NCAN: variants seen among roughly 807,000 people sequenced by gnomAD.
NCAN encodes the protein neurocan core protein.
NCAN carries 47 observed loss-of-function variants against 121.8 expected under a neutral mutation model. That is an observed-to-expected ratio of 0.39 (90% CI 0.31 to 0.49). NCAN has a LOEUF of 0.49. Among genes scored for constraint, NCAN ranks in the 20% least tolerant of loss-of-function variants. The probability of loss-of-function intolerance (pLI) is 0.92; values close to 1 mark genes in which losing one functional copy is unlikely to be tolerated. For missense variants in NCAN, 1,517 were observed against 1,773.4 expected, an observed-to-expected ratio of 0.86 and a Z score of 2.60; for synonymous variants, 633 against 702.0, an observed-to-expected ratio of 0.90 and a Z score of 1.55.
chr19:19,223,941 T>G, intron 3 of NCAN, 80 bp from the exon 4 acceptor site: 2 of 1,374,158 alleles, frequency 1.5e-6, no homozygotes, highest in South Asian at 1.7e-5. Context: ...GGGTGGGGAG[T>G]CATTCTGCAA....
rs1406089388 is a variant in NCAN at position 19,225,026 on chromosome 19, G to A, written c.828G>A (p.Ala276=). Residue 276 remains alanine, a synonymous_variant, in exon 6 of 15, where the codon GCG becomes GCA. Coordinates refer to ENST00000252575, the MANE Select transcript of NCAN (RefSeq NM_004386.3). The surrounding 1 kb of genome is among the most constrained non-coding windows in gnomAD (Gnocchi z 4.0). ...CCCGCCGCCTGACACTGGCCGGCGC[G>A]CGTGCACAGTGCCGCCGCCAGGGTG... The part of the protein sequence containing the change: ...GPARRLTLAG[A]RAQCRRQGAA... 4 of 1,492,532 alleles carry A rather than the reference G, an allele frequency of 2.7e-6. No individual in the cohort carries two copies. Among genetic ancestry groups the A allele is most frequent in the Middle Eastern group, 2.4e-4 (1 of 4,228 alleles). 92.5% of individuals were successfully genotyped at this position (1,492,532 alleles called of 1,614,324 possible).
At position 19,212,845 on chromosome 19, in the gene NCAN, AG is replaced by A. The variant is rs558038928; in HGVS notation, c.-8+788del. ...GGACCTGTGAGGGATACCAGCTCAGAGGGGGGGCTGTCCCCCAGCACCTTCA... is the reference window on the plus strand; with the variant it reads ...GGACCTGTGAGGGATACCAGCTCAGAGGGGGGCTGTCCCCCAGCACCTTCA... On this transcript the variant is annotated intron_variant, in intron 1 of 14. Transcript: ENST00000252575. The surrounding 1 kb of genome is among the most constrained non-coding windows in gnomAD (Gnocchi z 4.5). Among the ~76,000 whole-genome samples the A allele has an allele frequency of 3.9e-5, 6 of 152,230 alleles. No individual in the cohort carries two copies. Among genetic ancestry groups the A allele is most frequent in the South Asian group, 2.1e-4 (1 of 4,828 alleles).
intron 12 of NCAN, among the ~76,000 whole-genome samples, chr19:19,243,099 A>G (rs2060909793): frequency 6.6e-6 from 1 of 151,946 alleles, no homozygotes; most frequent in South Asian, 2.1e-4. Context: ...TTTTTCATGA[A>G]GCATTCAGAG....
chr19:19,230,948 G>GTTATCCA (rs1163524627), intron 8 of NCAN, among the ~76,000 whole-genome samples: 1 of 148,674 alleles, frequency 6.7e-6, no homozygotes, highest in Non-Finnish European at 1.5e-5. Context: ...GTCTCCCTAT[G>GTTATCCA]TTATCCAGGC....
intron 3 of NCAN, among the ~76,000 whole-genome samples, chr19:19,220,648 G>C (rs59685035): frequency 6.6e-6 from 1 of 151,788 alleles, no homozygotes; most frequent in Non-Finnish European, 1.5e-5. Flanking sequence ...TAGTAGAGAC[G>C]GGGTTTCACC....
intron 8 of NCAN, among the ~76,000 whole-genome samples, chr19:19,232,273 T>A (rs2060862903): frequency 6.6e-6 from 1 of 152,160 alleles, no homozygotes; most frequent in African/African-American, 2.4e-5. Flanking sequence ...CCCAGGCAGC[T>A]ACCCACCCGC....
intron 12 of NCAN, among the ~76,000 whole-genome samples, chr19:19,242,565 T>A (rs949193561): frequency 1.3e-5 from 2 of 151,702 alleles, no homozygotes; most frequent in Admixed American, 1.3e-4. Context: ...GGCACATGCC[T>A]GTAGTCCCAG....
At chr19:19,249,262 G>A (rs945510694) in intron 14 of NCAN, among the ~76,000 whole-genome samples, 1 of 152,044 alleles carries the variant, frequency 6.6e-6, no homozygotes, top group Admixed American at 6.6e-5. Context: ...GTAGAGACAG[G>A]GTTTCACTAT....
rs766896589 is a variant in NCAN at position 19,219,146 on chromosome 19, G to A, written c.305G>A (p.Arg102Lys). 68 of 1,613,906 alleles carry A rather than the reference G, an allele frequency of 4.2e-5. 2 individuals are homozygous for A. In the South Asian group the frequency reaches 7.1e-4, roughly 17 times the overall value. Residue 102 changes from arginine to lysine, a missense_variant, in exon 3 of 15, where the codon AGG becomes AAG. Coordinates refer to ENST00000252575, the MANE Select transcript of NCAN (RefSeq NM_004386.3). The part of the protein sequence containing the change: ...PILVAKDNVV[R>K]VAKSWQGRVS... ...CTGGTGGCCAAGGACAATGTCGTGA[G>A]GGTGGCCAAAAGCTGGCAGGGACGA... is the stretch of plus-strand genomic sequence containing the variant.
intron 8 of NCAN, among the ~76,000 whole-genome samples, chr19:19,233,542 G>A (rs1424842995): frequency 1.3e-5 from 2 of 152,180 alleles, no homozygotes; most frequent in East Asian, 3.8e-4. Context: ...TTCCAGTTCA[G>A]TCTGAGGAAG....
chr19:19,216,156 GTGTTT>G (rs773468987), intron 1 of NCAN, among the ~76,000 whole-genome samples: 1 of 152,056 alleles, frequency 6.6e-6, no homozygotes, highest in African/African-American at 2.4e-5. Flanking sequence ...TTGTTGTGTT[GTGTTT>G]TGTTTTGTTT....
Position 19,224,368 on chromosome 19 carries a change from G to A in NCAN, c.713G>A (p.Arg238Gln). ...YGDRSSLPGVRSYGRRNPQEL... is the reference protein window; with the variant it reads ...YGDRSSLPGVQSYGRRNPQEL... ...GACCGTAGCAGCCTTCCAGGGGTTC[G>A]GAGCTATGGGAGGCGCAACCCACAG... The change falls in exon 5 of 15, where the codon CGG (arginine) becomes CAG (glutamine). Residue 238 changes from arginine (R) to glutamine (Q), a missense_variant. Arg to Gln is a conservative substitution (Grantham distance 43). Transcript: ENST00000252575. 1 of 1,614,022 alleles carries A rather than the reference G, an allele frequency of 6.2e-7. No homozygotes were observed. The highest frequency in any genetic ancestry group is 8.5e-7 in the Non-Finnish European group (1 of 1,179,984).
rs2060841214 is a variant in NCAN at position 19,227,341 on chromosome 19, C to T, written c.1721C>T (p.Pro574Leu). ...CTGTGGCCCCCTACCATGGTCCCAC[C>T]CAGCATCTCAGGCCACAGCAGGGCC... The part of the protein sequence containing the change: ...PWLWPPTMVP[P>L]SISGHSRAPV... The change falls in exon 8 of 15, where the codon CCC (proline) becomes CTC (leucine). Residue 574 changes from proline (P) to leucine (L), a missense_variant. Transcript: ENST00000252575. This position sits in a 1 kb window ranked among gnomAD's most constrained non-coding sequence, Gnocchi z 4.2. 1 of 1,610,524 alleles carries T rather than the reference C, an allele frequency of 6.2e-7. No homozygotes were observed. The highest frequency in any genetic ancestry group is 1.3e-5 in the African/African-American group (1 of 74,862).
intron 12 of NCAN, among the ~76,000 whole-genome samples, chr19:19,240,978 A>AT (rs781722038): frequency 1.3e-5 from 2 of 152,134 alleles, no homozygotes; most frequent in Non-Finnish European, 2.9e-5. Context: ...GGTCTCTCAA[A>AT]TATTCTCATT....
chr19:19,241,624 C>G (rs543051642), intron 12 of NCAN, among the ~76,000 whole-genome samples: 81 of 151,742 alleles, frequency 5.3e-4, no homozygotes, highest in Non-Finnish European at 1.0e-3. Context: ...ATCACTTAAG[C>G]CTAGGAATTG....
At chr19:19,247,194 T>C (rs947454027) in intron 13 of NCAN, among the ~76,000 whole-genome samples, 2 of 151,974 alleles carry the variant, frequency 1.3e-5, no homozygotes, top group Non-Finnish European at 2.9e-5. Flanking sequence ...CAAGTGATAC[T>C]CCTACCTCAG....
chr19:19,247,506 G>A (rs2060928852), intron 13 of NCAN, among the ~76,000 whole-genome samples: 1 of 151,964 alleles, frequency 6.6e-6, no homozygotes. Flanking sequence ...GCCTGCCTCG[G>A]CCTCCCAAAG....
chr19:19,251,657 T>C lies in NCAN; in HGVS notation c.*1746T>C, dbSNP rs975974740. On this transcript the variant is annotated 3_prime_UTR_variant, in exon 15 of 15. Transcript: ENST00000252575. The stretch of plus-strand genomic sequence containing the variant: ...CCTGCTCTGGACTCTGGAGAGGAGA[T>C]TGAAATATAATTGCACCCTCATACA... 2 of 152,116 alleles carry C rather than the reference T, an allele frequency of 1.3e-5. No homozygotes were observed. Among genetic ancestry groups the C allele is most frequent in the Admixed American group, 6.6e-5 (1 of 15,264 alleles). The allele number at this position is 152,116 out of a possible 1,614,324, so 9.4% of individuals were successfully genotyped here.
At chr19:19,224,457 C>T (rs1241024213) in intron 5 of NCAN, 24 bp downstream of exon 5, 8 of 1,607,182 alleles carry the variant, frequency 5.0e-6, no homozygotes, top group Non-Finnish European at 6.0e-6. Flanking sequence ...TGGCAGGACC[C>T]GGCCCCTCCG....
Sources: allele counts gnomAD v4.1 joint callset (sites outside exome capture counted in the v4.1 genomes callset), GRCh38; gene constraint gnomAD v4.1.1; non-coding constraint Gnocchi (gnomAD v3.1); transcripts MANE v1.5; gene names NCBI Gene and HGNC (gene_info 2026-07-23, HGNC 2026-07-21).